Variants in GPHN observed in about 807,000 individuals in gnomAD.
GPHN encodes the protein gephyrin.
In GPHN, 17 loss-of-function variants were observed where a neutral mutation model predicts 95.5. The ratio of observed to expected loss-of-function variants is 0.18; its 90% CI spans 0.12 to 0.27. GPHN has a LOEUF of 0.27. Among genes scored for constraint, GPHN ranks in the 10% least tolerant of loss-of-function variants. The probability of loss-of-function intolerance (pLI) is 1.00; values close to 1 mark genes in which losing one functional copy is unlikely to be tolerated. For missense variants in GPHN, 660 were observed against 978.1 expected (o/e 0.67, Z 4.34); for synonymous variants, 320 against 322.5 (o/e 0.99, Z 0.08).
the GPHN span, among the ~76,000 whole-genome samples, chr14:67,202,830 T>A: frequency 6.6e-6 from 1 of 152,222 alleles, no homozygotes; most frequent in Non-Finnish European, 1.5e-5. Context: ...CCTGGACTTG[T>A]ACTTGGTAAA....
the GPHN span, among the ~76,000 whole-genome samples, chr14:67,675,588 C>T: frequency 2.0e-5 from 3 of 152,124 alleles, no homozygotes; most frequent in Admixed American, 2.0e-4. Context: ...AATTCTCCTC[C>T]TAGGCTGCCT....
chr14:67,027,663 T>C (rs151336520), intron 10 of GPHN, among the ~76,000 whole-genome samples: 1 of 152,278 alleles, frequency 6.6e-6, no homozygotes, highest in Non-Finnish European at 1.5e-5. Context: ...GTTCAGCCTG[T>C]GTTTTATCGG....
At chr14:66,815,031 A>G (rs948717086) in intron 3 of GPHN, among the ~76,000 whole-genome samples, 7 of 152,254 alleles carry the variant, frequency 4.6e-5, no homozygotes, top group Admixed American at 6.5e-5. Context: ...AATTATTAAT[A>G]GCAGAATAGA....
At chr14:67,027,596 T>C (rs1214698211) in intron 10 of GPHN, among the ~76,000 whole-genome samples, 1 of 152,228 alleles carries the variant, frequency 6.6e-6, no homozygotes, top group African/African-American at 2.4e-5. Flanking sequence ...CCCAAAGTGC[T>C]AAGATTACAG....
the GPHN span, among the ~76,000 whole-genome samples, chr14:67,518,270 G>A: frequency 2.0e-5 from 3 of 152,180 alleles, no homozygotes; most frequent in African/African-American, 7.2e-5. Context: ...AAGCAAACTT[G>A]GTTTTGAGTT....
chr14:67,726,170 G>A, the GPHN span: 4 of 1,508,088 alleles, frequency 2.7e-6, no homozygotes, highest in Non-Finnish European at 3.7e-6. Flanking sequence ...GTATCTTTGG[G>A]TGACTAAAAA....
the GPHN span, among the ~76,000 whole-genome samples, chr14:67,240,498 C>T: frequency 6.6e-6 from 1 of 152,154 alleles, no homozygotes; most frequent in African/African-American, 2.4e-5. Context: ...ATAGTTTGGC[C>T]TCATAGAAGG....
chr14:66,753,510 CA>C (rs11300539), intron 2 of GPHN, among the ~76,000 whole-genome samples: 47,165 of 142,798 alleles, frequency 0.33, 11,237 homozygotes, highest in African/African-American at 0.65. Context: ...TCTATTCTGC[CA>C]AAAAAAAAAA....
intron 1 of GPHN, among the ~76,000 whole-genome samples, chr14:66,623,526 G>A (rs1395257134): frequency 4.6e-5 from 7 of 150,988 alleles, no homozygotes; most frequent in African/African-American, 1.7e-4. Context: ...GCTGAGGCAC[G>A]AGAATCACTT....
In GPHN at chr14:66,508,512, G is replaced by A. The variant is rs757598529; in HGVS notation, c.-16G>A. 7 of 1,613,486 alleles carry A rather than the reference G, an allele frequency of 4.3e-6. No homozygotes were observed. Among genetic ancestry groups the A allele is most frequent in the Non-Finnish European group, 5.9e-6 (7 of 1,179,534 alleles). On this transcript the variant is annotated 5_prime_UTR_variant, in exon 1 of 23. Coordinates refer to ENST00000478722, the MANE Select transcript of GPHN (RefSeq NM_020806.5). ...TTCTCCCGGCTCCTGTCAGTGCGGT[G>A]ACTGCGCTGGGAAACATGGCGACCG...
At chr14:67,452,492 G>A in the GPHN span, among the ~76,000 whole-genome samples, 1 of 152,012 alleles carries the variant, frequency 6.6e-6, no homozygotes, top group Non-Finnish European at 1.5e-5. Context: ...TTTGTAAATT[G>A]CCCAGTCTCC....
chr14:67,224,084 T>C, the GPHN span: 1 of 806,188 alleles, frequency 1.2e-6, no homozygotes, highest in Non-Finnish European at 1.5e-6. Context: ...TGATCTCAAA[T>C]TCATCTCTCA....
intron 2 of GPHN, among the ~76,000 whole-genome samples, chr14:66,731,631 A>G (rs912200512): frequency 6.6e-6 from 1 of 152,246 alleles, no homozygotes; most frequent in African/African-American, 2.4e-5. Flanking sequence ...CAGCCTGACA[A>G]TGTGATAGAA....
At chr14:66,751,948 C>T (rs1296117395) in intron 2 of GPHN, among the ~76,000 whole-genome samples, 11 of 152,144 alleles carry the variant, frequency 7.2e-5, no homozygotes, top group African/African-American at 2.4e-4. Context: ...TAGCCACCTT[C>T]ATCAATGATC....
intron 12 of GPHN, among the ~76,000 whole-genome samples, chr14:67,096,034 G>A (rs1487973209): frequency 1.4e-5 from 2 of 145,870 alleles, no homozygotes; most frequent in Non-Finnish European, 3.0e-5. Flanking sequence ...ATTAGAATCT[G>A]TATATTCACA....
At chr14:66,570,123 A>C (rs965096545) in intron 1 of GPHN, among the ~76,000 whole-genome samples, 4 of 151,860 alleles carry the variant, frequency 2.6e-5, no homozygotes, top group Admixed American at 1.3e-4. Context: ...CAAGATATAT[A>C]TATTTTTTTT....
At chr14:67,429,477 C>T in the GPHN span, among the ~76,000 whole-genome samples, 4 of 150,996 alleles carry the variant, frequency 2.6e-5, no homozygotes, top group Non-Finnish European at 4.4e-5. Context: ...GATTCGCCCA[C>T]CTCGGCCTCC....
chr14:66,587,722 C>G (rs554225508), intron 1 of GPHN, among the ~76,000 whole-genome samples: 1 of 152,280 alleles, frequency 6.6e-6, no homozygotes, highest in South Asian at 2.1e-4. Context: ...CTATAAAGAA[C>G]TGTAGGAGAG....
chr14:66,902,528 G>A (rs2065171553), intron 5 of GPHN, among the ~76,000 whole-genome samples: 1 of 151,978 alleles, frequency 6.6e-6, no homozygotes, highest in South Asian at 2.1e-4. Flanking sequence ...TTATTATGTT[G>A]AGGTATGTTC....
Sources: gnomAD v4.1 joint callset for allele counts (sites outside exome capture counted in the v4.1 genomes callset) on GRCh38, gnomAD v4.1.1 for gene constraint, MANE v1.5 for transcripts, NCBI Gene and HGNC (gene_info 2026-07-23, HGNC 2026-07-21) for gene names.